SLC24A3: variants seen among roughly 807,000 people sequenced by gnomAD.
SLC24A3 encodes sodium/potassium/calcium exchanger 3.
In SLC24A3, 28 loss-of-function variants were observed where a neutral mutation model predicts 75.8. That is an observed-to-expected ratio of 0.37 (90% CI 0.27 to 0.51). The LOEUF (loss-of-function observed/expected upper bound fraction) is 0.51, where lower values mean the gene tolerates loss of function less well. Ranked by LOEUF, SLC24A3 falls within the 20% of genes least tolerant of loss-of-function variation. The pLI is 0.94. For missense variants in SLC24A3, 663 were observed against 847.8 expected (o/e 0.78, Z 2.71); for synonymous variants, 372 against 334.1 (o/e 1.11, Z -1.24).
In SLC24A3 at chr20:19,490,813, C is replaced by T. The variant is rs531848182; in HGVS notation, c.272-24675C>T. Among the ~76,000 whole-genome samples, 3 of 152,260 alleles carry T rather than the reference C, an allele frequency of 2.0e-5. No individual in the cohort carries two copies. In the South Asian group the frequency reaches 6.2e-4, roughly 32 times the overall value. ...GGGACTTATATCTCCCATCCTTGCTCTTTGCCATCCCTTGAAGGTTTTAAA... is the reference window on the plus strand; with the variant it reads ...GGGACTTATATCTCCCATCCTTGCTTTTTGCCATCCCTTGAAGGTTTTAAA... On this transcript the variant is annotated intron_variant, in intron 2 of 16. Transcript: ENST00000328041.
At chr20:19,692,712 C>A (rs541464572) in intron 12 of SLC24A3, among the ~76,000 whole-genome samples, 36 of 152,262 alleles carry the variant, frequency 2.4e-4, no homozygotes, top group African/African-American at 7.9e-4. Context: ...AGCAGTTAAT[C>A]AGGTTAGTAA....
At chr20:19,375,466 G>T (rs1986068516) in intron 2 of SLC24A3, among the ~76,000 whole-genome samples, 2 of 152,184 alleles carry the variant, frequency 1.3e-5, no homozygotes, top group Admixed American at 1.3e-4. Context: ...TGGAGGCGGG[G>T]CAGGCAGAGA....
At chr20:19,551,901 T>C (rs2030702548) in intron 3 of SLC24A3, among the ~76,000 whole-genome samples, 1 of 151,990 alleles carries the variant, frequency 6.6e-6, no homozygotes, top group South Asian at 2.1e-4. Flanking sequence ...CATCAAACTC[T>C]CTTAAAAGCC....
chr20:19,402,593 A>T (rs1406888117), intron 2 of SLC24A3, among the ~76,000 whole-genome samples: 1 of 152,262 alleles, frequency 6.6e-6, no homozygotes, highest in East Asian at 1.9e-4. Flanking sequence ...AAAAATAATA[A>T]CAACAAACAG....
intron 2 of SLC24A3, among the ~76,000 whole-genome samples, chr20:19,310,352 G>A (rs1984430556): frequency 6.6e-6 from 1 of 152,126 alleles, no homozygotes; most frequent in Admixed American, 6.5e-5. Context: ...GTTCCCAGGT[G>A]GTCATGTGCA....
At chr20:19,634,787 G>A (rs1289131449) in intron 6 of SLC24A3, among the ~76,000 whole-genome samples, 1 of 152,120 alleles carries the variant, frequency 6.6e-6, no homozygotes, top group East Asian at 1.9e-4. Flanking sequence ...ACTTTTCTGT[G>A]TGGTAGAAAT....
At chr20:19,419,244 C>G (rs1044526091) in intron 2 of SLC24A3, among the ~76,000 whole-genome samples, 7 of 152,204 alleles carry the variant, frequency 4.6e-5, no homozygotes, top group Non-Finnish European at 7.3e-5. Context: ...TTATTGCTAA[C>G]ACCAAAAGGA....
At chr20:19,667,021 T>C (rs2032407027) in intron 8 of SLC24A3, among the ~76,000 whole-genome samples, 1 of 152,194 alleles carries the variant, frequency 6.6e-6, no homozygotes, top group South Asian at 2.1e-4. Flanking sequence ...CCTGGTATTA[T>C]TGAAAGCTGT....
intron 1 of SLC24A3, among the ~76,000 whole-genome samples, chr20:19,228,248 G>A (rs558267081): frequency 8.5e-5 from 13 of 152,242 alleles, no homozygotes; most frequent in African/African-American, 2.6e-4. Context: ...AAGACTATGT[G>A]CTGTCCATTG....
chr20:19,633,298 T>A (rs2031957259), intron 6 of SLC24A3, among the ~76,000 whole-genome samples: 1 of 152,244 alleles, frequency 6.6e-6, no homozygotes, highest in South Asian at 2.1e-4. Context: ...GTCTTCTCCC[T>A]GTGTCTTCAC....
intron 2 of SLC24A3, among the ~76,000 whole-genome samples, chr20:19,294,098 A>G (rs185131554): frequency 3.9e-4 from 59 of 152,340 alleles, no homozygotes; most frequent in African/African-American, 1.3e-3. Flanking sequence ...CGTGGATTCA[A>G]TGTAGTACTT....
At chr20:19,323,704 A>G (rs1374537655) in intron 2 of SLC24A3, among the ~76,000 whole-genome samples, 1 of 152,122 alleles carries the variant, frequency 6.6e-6, no homozygotes, top group Non-Finnish European at 1.5e-5. Context: ...GCTACTATTT[A>G]TACATTTTAT....
intron 2 of SLC24A3, among the ~76,000 whole-genome samples, chr20:19,449,212 C>T (rs1600233896): frequency 6.6e-6 from 1 of 152,162 alleles, no homozygotes; most frequent in African/African-American, 2.4e-5. Flanking sequence ...TCTACCACCC[C>T]CGATCCTTGG....
chr20:19,620,253 T>C (rs1212195231), intron 6 of SLC24A3, among the ~76,000 whole-genome samples: 1 of 152,240 alleles, frequency 6.6e-6, no homozygotes, highest in African/African-American at 2.4e-5. Flanking sequence ...ATTAAACGAT[T>C]ACTCTTTTTC....
chr20:19,706,902 A>ATT (rs2032937265), intron 15 of SLC24A3, among the ~76,000 whole-genome samples: 2 of 152,260 alleles, frequency 1.3e-5, no homozygotes, highest in Middle Eastern at 3.4e-3. Context: ...TAAGTAACAA[A>ATT]AGGCATGCAT....
chr20:19,468,213 A>G (rs928852599), intron 2 of SLC24A3, among the ~76,000 whole-genome samples: 4 of 152,168 alleles, frequency 2.6e-5, no homozygotes, highest in African/African-American at 7.2e-5. Flanking sequence ...CTGACAGTGG[A>G]TACTGAACAA....
intron 2 of SLC24A3, among the ~76,000 whole-genome samples, chr20:19,392,673 G>A (rs540040133): frequency 6.6e-6 from 1 of 152,270 alleles, no homozygotes; most frequent in East Asian, 1.9e-4. Context: ...TGTTTGCCAG[G>A]CAATGGTCCT....
rs186577378 is a variant in SLC24A3 at position 19,269,980 on chromosome 20, A to G, written c.143-10979A>G. Among the ~76,000 whole-genome samples the G allele has an allele frequency of 2.2e-3, 330 of 152,238 alleles. 1 individual carries two copies. Among genetic ancestry groups the G allele is most frequent in the African/African-American group, 7.8e-3 (322 of 41,532 alleles). ...AGAACCCACTACCGGTCAGAACATC[A>G]TCTTCTTCGCTTCCATTCCTACGAT... On this transcript the variant is annotated intron_variant, in intron 1 of 16. Coordinates refer to ENST00000328041, the MANE Select transcript of SLC24A3 (RefSeq NM_020689.4).
intron 2 of SLC24A3, among the ~76,000 whole-genome samples, chr20:19,311,039 CTTTCCTTCCT>C (rs755971589): frequency 6.6e-5 from 10 of 150,756 alleles, no homozygotes; most frequent in African/African-American, 2.4e-4. Context: ...CTTTCCTTCC[CTTTCCTTCCT>C]TCCTTCTTGC....
Sources: allele counts gnomAD v4.1 joint callset (sites outside exome capture counted in the v4.1 genomes callset), GRCh38; gene constraint gnomAD v4.1.1; transcripts MANE v1.5; gene names NCBI Gene and HGNC (gene_info 2026-07-23, HGNC 2026-07-21).